The following PCBP3 variants were observed in gnomAD, a reference collection of about 807,000 sequenced individuals.
PCBP3 encodes the protein poly(rC) binding protein 3.
PCBP3 carries 25 observed loss-of-function variants against 52.7 expected under a neutral mutation model. The observed-to-expected ratio is 0.47, with a 90% CI of 0.35 to 0.66. PCBP3 has a LOEUF of 0.66. Among genes scored for constraint, PCBP3 ranks in the 30% least tolerant of loss-of-function variants. The pLI is 0.01. For synonymous variants in PCBP3, 162 were observed against 183.0 expected (o/e 0.89, Z 0.93); for missense variants, 391 against 490.3 (o/e 0.80, Z 1.91).
intron 13 of PCBP3, among the ~76,000 whole-genome samples, chr21:45,925,091 C>CCGCA (rs2075198680): frequency 2.1e-5 from 1 of 46,746 alleles, no homozygotes. Context: ...ATGCGAACAC[C>CCGCA]GGGAACAGTC....
In PCBP3 at chr21:45,660,733, G is replaced by T. The variant is rs1476521956; in HGVS notation, c.-278-8141G>T. On this transcript the variant is annotated intron_variant, in intron 1 of 17. Transcript: ENST00000681687. ...CATTCCCTCCTTCTTCCTTTGTGCT[G>T]TTATTGTCATACAAAGTACATCTTG... 2.6e-5 allele frequency among the ~76,000 whole-genome samples: 4 copies of T among 151,984 alleles called. No individual in the cohort carries two copies. The South Asian group carries it at 8.3e-4, about 32-fold the overall frequency.
At chr21:45,705,251 T>C (rs1397464266) in intron 2 of PCBP3, among the ~76,000 whole-genome samples, 2 of 152,200 alleles carry the variant, frequency 1.3e-5, no homozygotes, top group African/African-American at 2.4e-5. Context: ...GTGAGGGCTG[T>C]TGCTGTTTGT....
At chr21:45,669,801 GTGTGTATATA>G (rs1410353272) in intron 2 of PCBP3, among the ~76,000 whole-genome samples, 1,361 of 68,682 alleles carry the variant, frequency 0.02, 23 homozygotes, top group African/African-American at 0.068. Flanking sequence ...GTGTGTGTGT[GTGTGTATATA>G]TATATATATA....
rs2086521081 is a variant in PCBP3 at position 45,742,423 on chromosome 21, GT to G, written c.-162+6998del. ...GGCTTAGCTCTTTAACAATAATGTC[GT>G]TTTCCCCCATGCTCATAAGCATTCT... On this transcript the variant is annotated intron_variant, in intron 3 of 17. Transcript: ENST00000681687. 2.6e-5 allele frequency among the ~76,000 whole-genome samples: 4 copies of G among 152,260 alleles called. No individual in the cohort carries two copies. In the South Asian group the frequency reaches 8.3e-4, roughly 32 times the overall value.
rs373301218 is a variant in PCBP3, at chr21:45,714,255, A to C, written c.-199-21137A>C. Among the ~76,000 whole-genome samples the C allele has an allele frequency of 1.2e-4, 18 of 152,280 alleles. No individual in the cohort carries two copies. The East Asian group carries it at 2.1e-3, about 18-fold the overall frequency. Reference sequence around the variant, plus strand: ...TCCAGACTAATTTGTCTCAGTGCTTATTTGACATTTCCATTTGCAAGTCTA... The same window carrying C: ...TCCAGACTAATTTGTCTCAGTGCTTCTTTGACATTTCCATTTGCAAGTCTA... On this transcript the variant is annotated intron_variant, in intron 2 of 17. Transcript: ENST00000681687.
At position 45,910,972 on chromosome 21, in the gene PCBP3, CG is replaced by C. The variant is rs1429274696; in HGVS notation, c.546del (p.Thr183ProfsTer59). ...TCCACGGAGCGAGCGGTGACCATCT[CG>C]GGGACCCCAGATGCCATCATCCAGT... ...PNSTERAVTI[S>X]GTPDAIIQCV... On this transcript the variant is annotated frameshift_variant, in exon 11 of 18. Coordinates refer to ENST00000681687, the MANE Select transcript of PCBP3 (RefSeq NM_001384156.1). LOFTEE classifies it high-confidence loss of function. 6.2e-7 allele frequency: 1 copy of C among 1,612,068 alleles called. No homozygotes were observed.
At chr21:45,897,854 T>C (rs78136848) in intron 6 of PCBP3, among the ~76,000 whole-genome samples, 2,414 of 152,298 alleles carry the variant, frequency 0.016, 73 homozygotes, top group African/African-American at 0.055. Context: ...GCTCCCTATA[T>C]GGAACCCCAG....
At chr21:45,815,093 ATGAG>A (rs1401606138) in intron 4 of PCBP3, among the ~76,000 whole-genome samples, 5 of 2,744 alleles carry the variant, frequency 1.8e-3, no homozygotes, top group African/African-American at 4.0e-3. Flanking sequence ...GTGGTGAGTG[ATGAG>A]TGAGTGGTGA....
At chr21:45,929,657 G>A (rs754227376) in intron 13 of PCBP3, among the ~76,000 whole-genome samples, 2 of 152,236 alleles carry the variant, frequency 1.3e-5, no homozygotes, top group Admixed American at 1.3e-4. Flanking sequence ...GCCGGTCTAG[G>A]CTGGAGCTGC....
intron 10 of PCBP3, among the ~76,000 whole-genome samples, chr21:45,909,956 G>A (rs1316381071): frequency 1.0e-4 from 6 of 59,082 alleles, no homozygotes; most frequent in Admixed American, 4.6e-4. Flanking sequence ...TCCCAGATAC[G>A]GACCCCCCCA....
At chr21:45,882,527 A>G (rs751114838) in intron 5 of PCBP3, among the ~76,000 whole-genome samples, 3 of 152,024 alleles carry the variant, frequency 2.0e-5, no homozygotes, top group African/African-American at 4.8e-5. Flanking sequence ...TCAGTTTGAT[A>G]TAATCCCATT....
intron 5 of PCBP3, among the ~76,000 whole-genome samples, chr21:45,855,456 C>T (rs1285025338): frequency 6.6e-6 from 1 of 152,018 alleles, no homozygotes; most frequent in Non-Finnish European, 1.5e-5. Flanking sequence ...CCACACCCCA[C>T]CAGCACAGAG....
At chr21:45,697,634 A>C (rs950847605) in intron 2 of PCBP3, among the ~76,000 whole-genome samples, 1 of 151,628 alleles carries the variant, frequency 6.6e-6, no homozygotes, top group African/African-American at 2.4e-5. Flanking sequence ...GGTCCAAGCT[A>C]CTCGGAAGGC....
chr21:45,795,334 T>C (rs979531252), intron 4 of PCBP3, among the ~76,000 whole-genome samples: 2 of 151,824 alleles, frequency 1.3e-5, no homozygotes, highest in Non-Finnish European at 2.9e-5. Flanking sequence ...TTTTTCCCCT[T>C]TCCTTTCTTT....
chr21:45,819,346 A>T (rs1418615437), intron 4 of PCBP3, among the ~76,000 whole-genome samples: 2 of 152,248 alleles, frequency 1.3e-5, no homozygotes, highest in Non-Finnish European at 2.9e-5. Flanking sequence ...CCTGTGACAG[A>T]GCAGGAAGGG....
chr21:45,816,083 ATGAGTGGTGAGTGG>A (rs1456894601), intron 4 of PCBP3, among the ~76,000 whole-genome samples: 1 of 56,994 alleles, frequency 1.8e-5, no homozygotes, highest in African/African-American at 7.2e-5. Flanking sequence ...GTGGTGAGTG[ATGAGTGGTGAGTGG>A]TGAGTGAGTG....
chr21:45,913,047 C>T (rs953708238), intron 11 of PCBP3, among the ~76,000 whole-genome samples: 1 of 152,144 alleles, frequency 6.6e-6, no homozygotes, highest in South Asian at 2.1e-4. Flanking sequence ...CTCATGGGCT[C>T]CAGCCCCCAC....
Position 45,924,767 on chromosome 21 carries a change from C to T in PCBP3, c.718-5150C>T, listed in dbSNP as rs1320022400. Among the ~76,000 whole-genome samples the T allele has an allele frequency of 5.5e-5, 3 of 54,562 alleles. 1 individual carries two copies. Among genetic ancestry groups the T allele is most frequent in the East Asian group, 2.9e-4 (1 of 3,504 alleles). 35.8% of individuals were successfully genotyped at this position (54,562 alleles called of 152,430 possible). On this transcript the variant is annotated intron_variant, in intron 13 of 17. Coordinates refer to ENST00000681687, the MANE Select transcript of PCBP3 (RefSeq NM_001384156.1). ...CACGAGGAGATGTGAACACCGGGAA[C>T]GGTCGAGTGGGTAGAAACAGCACAC... is the stretch of plus-strand genomic sequence containing the variant.
chr21:45,856,520 C>T (rs2094301188), intron 5 of PCBP3, among the ~76,000 whole-genome samples: 1 of 152,184 alleles, frequency 6.6e-6, no homozygotes. Flanking sequence ...CCTGGGCCAT[C>T]CCCTGGTGAT....
Sources: gnomAD v4.1 joint callset for allele counts (sites outside exome capture counted in the v4.1 genomes callset) on GRCh38, gnomAD v4.1.1 for gene constraint, MANE v1.5 for transcripts, NCBI Gene and HGNC (gene_info 2026-07-23, HGNC 2026-07-21) for gene names.